KCNG3: variants seen among roughly 807,000 people sequenced by gnomAD.
KCNG3 encodes the protein potassium voltage-gated channel modifier subfamily G member 3, also known as voltage-gated potassium channel regulatory subunit KCNG3.
KCNG3 carries 15 observed loss-of-function variants against 29.0 expected under a neutral mutation model. The observed-to-expected ratio is 0.52, with a 90% CI of 0.35 to 0.80. The LOEUF is 0.80. KCNG3 is among the 30% of genes least tolerant of loss of function. The probability of loss-of-function intolerance (pLI) is 0.01; values close to 1 mark genes in which losing one functional copy is unlikely to be tolerated. For synonymous variants in KCNG3, 322 were observed against 248.9 expected (o/e 1.29, Z -2.76); for missense variants, 512 against 605.7 (o/e 0.85, Z 1.62).
chr2:42,416,011 A>G, the KCNG3 span, among the ~76,000 whole-genome samples: 1 of 152,064 alleles, frequency 6.6e-6, no homozygotes, highest in African/African-American at 2.4e-5. Context: ...GCTGGCCAAC[A>G]TGGTGAAACT....
intron 1 of KCNG3, among the ~76,000 whole-genome samples, chr2:42,461,182 CAAAAAA>C (rs34199989): frequency 2.3e-3 from 131 of 56,414 alleles, no homozygotes; most frequent in African/African-American, 6.8e-3. Flanking sequence ...CAAAACAAAA[CAAAAAA>C]AAAAAAAAAA....
At position 42,444,975 on chromosome 2, in the gene KCNG3, AG is replaced by A. The variant is rs1305298610; in HGVS notation, c.666-397del. Among the ~76,000 whole-genome samples, 44 of 151,396 alleles carry A rather than the reference AG, an allele frequency of 2.9e-4. No individual in the cohort carries two copies. The highest frequency in any genetic ancestry group is 1.0e-3 in the African/African-American group (43 of 41,320). ...CACCTACCTGGGAGGCTAAGGTGGG[AG>A]GATCACCTGAGCCTGGGAAGGTCAA... is the stretch of plus-strand genomic sequence containing the variant. On this transcript the variant is annotated intron_variant, in intron 1 of 1. Transcript: ENST00000306078. The surrounding 1 kb of genome is among the most constrained non-coding windows in gnomAD (Gnocchi z 5.8).
At chr2:42,441,053 C>T (rs1278215890), downstream of KCNG3, among the ~76,000 whole-genome samples, 1 of 151,984 alleles carries the variant, frequency 6.6e-6, no homozygotes, top group Non-Finnish European at 1.5e-5. Flanking sequence ...GTAAGTATAG[C>T]TAAGAAAGAA....
At chr2:42,411,076 C>T in the KCNG3 span, among the ~76,000 whole-genome samples, 1 of 152,138 alleles carries the variant, frequency 6.6e-6, no homozygotes, top group Non-Finnish European at 1.5e-5. Context: ...AGATAGTTCT[C>T]TTAACATATA....
At chr2:42,457,479 G>C (rs1204256826) in intron 1 of KCNG3, among the ~76,000 whole-genome samples, 1 of 151,740 alleles carries the variant, frequency 6.6e-6, no homozygotes, top group Non-Finnish European at 1.5e-5. Context: ...GGGCGACAGA[G>C]AGACTTTGTT....
chr2:42,450,515 C>T (rs1672722000), intron 1 of KCNG3, among the ~76,000 whole-genome samples: 1 of 152,190 alleles, frequency 6.6e-6, no homozygotes, highest in East Asian at 1.9e-4. Context: ...GAGGTTACTT[C>T]TGTAAAATTA....
intron 1 of KCNG3, among the ~76,000 whole-genome samples, chr2:42,477,301 G>T (rs1673452484): frequency 6.8e-6 from 1 of 147,960 alleles, no homozygotes; most frequent in Admixed American, 6.8e-5. Flanking sequence ...AGGCAGAAAG[G>T]GACGATACAT....
At chr2:42,463,938 C>T in intron 1 of KCNG3, 1 of 338,196 alleles carries the variant, frequency 3.0e-6, no homozygotes. Flanking sequence ...ATCCACAGCC[C>T]TTGGTGAACA....
chr2:42,473,715 T>A (rs532034007), intron 1 of KCNG3, among the ~76,000 whole-genome samples: 3 of 152,134 alleles, frequency 2.0e-5, no homozygotes, highest in Non-Finnish European at 4.4e-5. Flanking sequence ...TTGATAGATG[T>A]AGTCAAGAAA....
chr2:42,429,022 G>C, the KCNG3 span, among the ~76,000 whole-genome samples: 23 of 152,236 alleles, frequency 1.5e-4, 1 homozygote, highest in African/African-American at 5.3e-4. Flanking sequence ...GGGAGGCTGA[G>C]GGAGGAGGAT....
rs80332717 is a variant in KCNG3 at position 42,450,492 on chromosome 2, T to C, written c.666-5913A>G. Among the ~76,000 whole-genome samples the C allele has an allele frequency of 3.9e-3, 589 of 152,290 alleles. 5 individuals carry two copies. Among genetic ancestry groups the C allele is most frequent in the African/African-American group, 0.014 (572 of 41,558 alleles). ...GTTCACTGAGCACAAGAGCAAACAA[T>C]TGGGTATTCCCGGAGGTTACTTCTG... On this transcript the variant is annotated intron_variant, in intron 1 of 1. Transcript: ENST00000306078.
chr2:42,458,724 C>T (rs1256466743), intron 1 of KCNG3, among the ~76,000 whole-genome samples: 1 of 151,870 alleles, frequency 6.6e-6, no homozygotes. Flanking sequence ...GGAGTTCTGT[C>T]CTGCTAGTGT....
chr2:42,489,171 T>C (rs142510622), intron 1 of KCNG3, among the ~76,000 whole-genome samples: 9,213 of 151,668 alleles, frequency 0.061, 576 homozygotes, highest in Admixed American at 0.21. Flanking sequence ...CCTCCCAAAG[T>C]GCTGGGATTA....
intron 1 of KCNG3, among the ~76,000 whole-genome samples, chr2:42,490,561 C>G (rs1673846613): frequency 6.6e-6 from 1 of 152,216 alleles, no homozygotes; most frequent in South Asian, 2.1e-4. Flanking sequence ...TCTCAGAGAT[C>G]AATTGTGCCT....
At chr2:42,486,647 G>A (rs1241973762) in intron 1 of KCNG3, among the ~76,000 whole-genome samples, 3 of 152,152 alleles carry the variant, frequency 2.0e-5, no homozygotes, top group African/African-American at 7.2e-5. Flanking sequence ...TGGCATCTTT[G>A]CATTAGCTGC....
intron 1 of KCNG3, among the ~76,000 whole-genome samples, chr2:42,478,649 G>A (rs969543028): frequency 1.3e-5 from 2 of 152,076 alleles, no homozygotes; most frequent in African/African-American, 4.8e-5. Flanking sequence ...AAGCCCTTCT[G>A]GGACACCCCA....
At chr2:42,441,807 T>TAAAATATATACACATAG (rs1672492748), downstream of KCNG3, among the ~76,000 whole-genome samples, 2 of 151,204 alleles carry the variant, frequency 1.3e-5, no homozygotes, top group Non-Finnish European at 2.9e-5. Context: ...TGTGTGTATA[T>TAAAATATATACACATAG]ATATACCTAT....
intron 1 of KCNG3, among the ~76,000 whole-genome samples, chr2:42,483,746 T>C (rs1042393667): frequency 3.9e-5 from 6 of 152,164 alleles, no homozygotes; most frequent in Non-Finnish European, 8.8e-5. Context: ...ATACAAATAT[T>C]TAAAGAATGG....
the KCNG3 span, among the ~76,000 whole-genome samples, chr2:42,411,267 A>G: frequency 6.6e-6 from 1 of 151,718 alleles, no homozygotes; most frequent in African/African-American, 2.4e-5. Context: ...ATTCTTGTTT[A>G]TTTTTCCATA....
Sources: allele counts gnomAD v4.1 joint callset (sites outside exome capture counted in the v4.1 genomes callset), GRCh38; gene constraint gnomAD v4.1.1; non-coding constraint Gnocchi (gnomAD v3.1); transcripts MANE v1.5; gene names NCBI Gene and HGNC (gene_info 2026-07-23, HGNC 2026-07-21).